Variants in PAK2 observed in about 807,000 individuals in gnomAD.
The protein encoded by PAK2 is serine/threonine-protein kinase PAK 2.
A neutral mutation model predicts 65.9 loss-of-function variants in PAK2; 21 were observed. The observed-to-expected ratio is 0.32, with a 90% CI of 0.23 to 0.46. The LOEUF (loss-of-function observed/expected upper bound fraction) is 0.46, where lower values mean the gene tolerates loss of function less well. Ranked by LOEUF, PAK2 falls within the 20% of genes least tolerant of loss-of-function variation. The probability of loss-of-function intolerance (pLI) is 1.00; values close to 1 mark genes in which losing one functional copy is unlikely to be tolerated. For missense variants in PAK2, 324 were observed against 642.6 expected, an observed-to-expected ratio of 0.50 and a Z score of 5.36; for synonymous variants, 204 against 219.7, an observed-to-expected ratio of 0.93 and a Z score of 0.63.
chr3:196,796,345 T>A (rs6798016), intron 2 of PAK2, among the ~76,000 whole-genome samples: 133,581 of 152,262 alleles, frequency 0.88, 58,944 homozygotes, highest in African/African-American at 0.97. Context: ...TGCATATTGT[T>A]TGGTCCCATT....
At chr3:196,776,219 T>C (rs1275872068) in intron 1 of PAK2, among the ~76,000 whole-genome samples, 1 of 152,230 alleles carries the variant, frequency 6.6e-6, no homozygotes, top group East Asian at 1.9e-4. Context: ...ACCAAGGCCA[T>C]GGCCAAGTGC....
At chr3:196,786,320 G>A (rs1055399138) in intron 2 of PAK2, among the ~76,000 whole-genome samples, 1 of 151,738 alleles carries the variant, frequency 6.6e-6, no homozygotes, top group African/African-American at 2.4e-5. Flanking sequence ...CTGCCACCGC[G>A]CCCGGCTAAT....
chr3:196,823,812 A>G (rs1711732993), intron 13 of PAK2, among the ~76,000 whole-genome samples: 2 of 106,330 alleles, frequency 1.9e-5, no homozygotes, highest in South Asian at 6.8e-4. Flanking sequence ...ATTCTGTCGC[A>G]AAAAAAAAAA....
At chr3:196,789,859 G>A (rs1023717507) in intron 2 of PAK2, among the ~76,000 whole-genome samples, 9 of 152,194 alleles carry the variant, frequency 5.9e-5, no homozygotes, top group Non-Finnish European at 1.3e-4. Flanking sequence ...TTCTCATAAG[G>A]AGTGTGCAGC....
chr3:196,808,557 CAA>C (rs1208200034), intron 7 of PAK2, among the ~76,000 whole-genome samples: 18 of 56,566 alleles, frequency 3.2e-4, no homozygotes, highest in South Asian at 1.3e-3. Context: ...GACTCCATCT[CAA>C]AAAAAAAAAA....
At chr3:196,815,230 C>T (rs1715971183) in intron 11 of PAK2, among the ~76,000 whole-genome samples, 1 of 151,490 alleles carries the variant, frequency 6.6e-6, no homozygotes, top group Non-Finnish European at 1.5e-5. Flanking sequence ...GTGGCTCATG[C>T]CTGTAATCCT....
At chr3:196,790,182 G>C (rs761321886) in intron 2 of PAK2, among the ~76,000 whole-genome samples, 1 of 152,168 alleles carries the variant, frequency 6.6e-6, no homozygotes, top group African/African-American at 2.4e-5. Context: ...ACAGATAAAG[G>C]GTTTCTTTTA....
rs764021697 is a variant in PAK2, at chr3:196,814,579, C to A, written c.1053+11C>A. 1.9e-6 allele frequency: 2 copies of A among 1,066,494 alleles called. No individual in the cohort carries two copies. The highest frequency in any genetic ancestry group is 2.9e-6 in the Non-Finnish European group (2 of 687,454). 66.1% of individuals were successfully genotyped at this position (1,066,494 alleles called of 1,614,324 possible). A position where few individuals can be genotyped will look rare whatever the true frequency, so the allele number is the denominator to read the frequency against. On this transcript the variant is annotated intron_variant, in intron 11 of 14. Coordinates refer to ENST00000327134, the MANE Select transcript of PAK2 (RefSeq NM_002577.4). ...GCTGTATGCAGAGAGGTAGGTTTGC[C>A]TCCTTCTTGATATGTTATGGTGATA... is the stretch of plus-strand genomic sequence containing the variant.
intron 11 of PAK2, among the ~76,000 whole-genome samples, chr3:196,815,416 G>A (rs887522693): frequency 2.0e-5 from 3 of 149,976 alleles, no homozygotes; most frequent in Non-Finnish European, 4.4e-5. Flanking sequence ...CGCTTGAGCT[G>A]AGGAGGCAGA....
chr3:196,812,697 A>G (rs1421264646), intron 9 of PAK2, 42 bp from the exon 10 acceptor site: 1 of 885,962 alleles, frequency 1.1e-6, no homozygotes, highest in East Asian at 2.5e-5. Context: ...TTTCTAAGAG[A>G]ATTCCTAAAC....
chr3:196,816,371 A>G (rs1716028813), intron 11 of PAK2, among the ~76,000 whole-genome samples: 1 of 152,238 alleles, frequency 6.6e-6, no homozygotes, highest in Non-Finnish European at 1.5e-5. Flanking sequence ...GAATATTAAT[A>G]GAATATGATA....
chr3:196,744,536 T>G (rs1350970204), intron 1 of PAK2, among the ~76,000 whole-genome samples: 1 of 152,202 alleles, frequency 6.6e-6, no homozygotes, highest in East Asian at 1.9e-4. Context: ...AGACCCTGTC[T>G]TATAAAATTC....
intron 1 of PAK2, among the ~76,000 whole-genome samples, chr3:196,745,017 T>G (rs1164322650): frequency 6.6e-6 from 1 of 152,122 alleles, no homozygotes; most frequent in South Asian, 2.1e-4. Flanking sequence ...GTAATAGATA[T>G]TAATCTATTG....
chr3:196,808,387 C>A (rs938150000), intron 7 of PAK2, among the ~76,000 whole-genome samples: 2 of 151,460 alleles, frequency 1.3e-5, no homozygotes, highest in Non-Finnish European at 2.9e-5. Flanking sequence ...ATGGTGAAAC[C>A]CCTCCTCTAC....
chr3:196,824,871 A>G (rs1277274091), intron 13 of PAK2, among the ~76,000 whole-genome samples: 1 of 152,070 alleles, frequency 6.6e-6, no homozygotes, highest in Non-Finnish European at 1.5e-5. Flanking sequence ...CCCTAATGTA[A>G]ACTGAGGGCT....
chr3:196,789,279 T>G (rs1714990861), intron 2 of PAK2, among the ~76,000 whole-genome samples: 4 of 152,208 alleles, frequency 2.6e-5, no homozygotes, highest in Admixed American at 1.3e-4. Context: ...TAAAGCAATT[T>G]TCACATCTAG....
chr3:196,753,015 G>A (rs1713659194), intron 1 of PAK2, among the ~76,000 whole-genome samples: 1 of 147,692 alleles, frequency 6.8e-6, no homozygotes, highest in Non-Finnish European at 1.5e-5. Flanking sequence ...GAGTCTCCCT[G>A]TGTCACCCAG....
In PAK2 at chr3:196,828,375, A is replaced by G. The variant is rs1711954047; in HGVS notation, c.1545A>G (p.Ala515=). 6.2e-7 allele frequency: 1 copy of G among 1,609,348 alleles called. No homozygotes were observed. Residue 515 remains alanine (A), a synonymous_variant, in exon 15 of 15, where the codon GCA becomes GCG. Transcript: ENST00000327134. ...PLSSLTPLIM[A]AKEAMKSNR ...CTAGCTTGACACCACTGATCATGGCAGCTAAAGAAGCAATGAAGAGTAACC... is the reference window on the plus strand; with the variant it reads ...CTAGCTTGACACCACTGATCATGGCGGCTAAAGAAGCAATGAAGAGTAACC...
intron 8 of PAK2, 130 bp from the exon 9 acceptor site, chr3:196,812,089 T>C (rs1715847044): frequency 1.7e-6 from 1 of 572,810 alleles, no homozygotes; most frequent in Admixed American, 3.0e-5. Flanking sequence ...TTGCTTTTAC[T>C]CCTTTTAAGC....
Sources: gnomAD v4.1 joint callset for allele counts (sites outside exome capture counted in the v4.1 genomes callset) on GRCh38, gnomAD v4.1.1 for gene constraint, MANE v1.5 for transcripts, NCBI Gene and HGNC (gene_info 2026-07-23, HGNC 2026-07-21) for gene names.